Variants in KATNBL1 observed in about 807,000 individuals in gnomAD.
KATNBL1 encodes the protein KATNB1-like protein 1.
A neutral mutation model predicts 44.7 loss-of-function variants in KATNBL1; 28 were observed. That is an observed-to-expected ratio of 0.63 (90% confidence interval 0.46 to 0.86). The LOEUF is 0.86. Among genes scored for constraint, KATNBL1 ranks in the 40% least tolerant of loss-of-function variants. The pLI is 0.00. For missense variants in KATNBL1, 272 were observed against 350.7 expected, an observed-to-expected ratio of 0.78 and a Z score of 1.79; for synonymous variants, 78 against 114.9, an observed-to-expected ratio of 0.68 and a Z score of 2.06.
intron 1 of KATNBL1, among the ~76,000 whole-genome samples, chr15:34,205,222 G>C (rs1017567017): frequency 6.6e-6 from 1 of 152,070 alleles, no homozygotes; most frequent in African/African-American, 2.4e-5. Flanking sequence ...TCGATCTCTC[G>C]ACCTTGTGAA....
At chr15:34,142,433 C>A (rs938538087) in intron 9 of KATNBL1, 62 bp from the exon 10 acceptor site, 6 of 1,502,088 alleles carry the variant, frequency 4.0e-6, no homozygotes, top group Non-Finnish European at 5.4e-6. Flanking sequence ...ATAAACAATC[C>A]ATTTTTTTTT....
chr15:34,160,441 T>C (rs1484050079), intron 2 of KATNBL1, among the ~76,000 whole-genome samples: 1 of 152,204 alleles, frequency 6.6e-6, no homozygotes, highest in Non-Finnish European at 1.5e-5. Flanking sequence ...AACTATTAGT[T>C]ACAAAATGAA....
At chr15:34,193,888 C>CAAAAAAAAAAAA (rs1889961366) in intron 1 of KATNBL1, among the ~76,000 whole-genome samples, 1 of 111,576 alleles carries the variant, frequency 9.0e-6, no homozygotes, top group Non-Finnish European at 1.9e-5. Context: ...AAATCACCAG[C>CAAAAAAAAAAAA]AAAATCACCA....
chr15:34,158,530 C>T (rs1888705963), intron 2 of KATNBL1, among the ~76,000 whole-genome samples: 1 of 152,112 alleles, frequency 6.6e-6, no homozygotes, highest in African/African-American at 2.4e-5. Flanking sequence ...TGGACAACAG[C>T]TATTTCTTCT....
chr15:34,161,652 C>T (rs906015639), intron 2 of KATNBL1, among the ~76,000 whole-genome samples: 3 of 152,064 alleles, frequency 2.0e-5, no homozygotes, highest in Admixed American at 6.6e-5. Flanking sequence ...AGGGTTGGAC[C>T]GCACAGTCTA....
At chr15:34,157,451 G>T (rs1888671197) in intron 2 of KATNBL1, among the ~76,000 whole-genome samples, 1 of 152,172 alleles carries the variant, frequency 6.6e-6, no homozygotes. Flanking sequence ...TGGTCCCTAG[G>T]CTGATGTTGG....
At chr15:34,153,913 AAAAC>A (rs1445229768) in intron 3 of KATNBL1, among the ~76,000 whole-genome samples, 2 of 152,254 alleles carry the variant, frequency 1.3e-5, no homozygotes, top group Admixed American at 6.5e-5. Flanking sequence ...TGTAAAAACT[AAAAC>A]AAAATTTAAA....
intron 2 of KATNBL1, among the ~76,000 whole-genome samples, chr15:34,156,085 T>C (rs560468112): frequency 6.6e-6 from 1 of 152,254 alleles, no homozygotes; most frequent in South Asian, 2.1e-4. Flanking sequence ...CCAGCAAAGG[T>C]CTACCACAAT....
intron 1 of KATNBL1, 118 bp downstream of exon 1, chr15:34,209,833 C>T (rs1351719001): frequency 6.7e-6 from 1 of 148,502 alleles, no homozygotes; most frequent in Non-Finnish European, 1.5e-5. Flanking sequence ...CCGGCCGAGC[C>T]GAGGCCGCCG....
At chr15:34,183,013 C>T (rs1185858055) in intron 1 of KATNBL1, among the ~76,000 whole-genome samples, 3 of 152,208 alleles carry the variant, frequency 2.0e-5, no homozygotes, top group Non-Finnish European at 4.4e-5. Flanking sequence ...TTTCACTAGA[C>T]TCCTTGGATA....
intron 1 of KATNBL1, among the ~76,000 whole-genome samples, chr15:34,190,173 T>C (rs1196948344): frequency 1.3e-5 from 2 of 152,134 alleles, no homozygotes; most frequent in Non-Finnish European, 2.9e-5. Context: ...CTCGATCTCC[T>C]GACCTCGTGA....
intron 1 of KATNBL1, among the ~76,000 whole-genome samples, chr15:34,170,413 A>T (rs1220925745): frequency 6.6e-6 from 1 of 152,226 alleles, no homozygotes; most frequent in African/African-American, 2.4e-5. Flanking sequence ...GAGAACTACA[A>T]ACCACTGCTC....
intron 1 of KATNBL1, among the ~76,000 whole-genome samples, chr15:34,164,319 T>A (rs551425378): frequency 1.2e-4 from 18 of 152,156 alleles, no homozygotes; most frequent in Non-Finnish European, 2.5e-4. Flanking sequence ...GGTTATGAAA[T>A]AAGGTGTATA....
In KATNBL1 at chr15:34,147,454, T is replaced by C. The variant is rs139279812; in HGVS notation, c.558-24A>G. ...TCCTGAGAGTATAAAAAGAATAGCA[T>C]TGCCTTAGAGAGCTGATTTCCTTAT... On this transcript the variant is annotated intron_variant, in intron 5 of 9. Transcript: ENST00000256544. 389 of 1,592,712 alleles carry C rather than the reference T, an allele frequency of 2.4e-4. 2 individuals are homozygous for C. In the East Asian group the frequency reaches 6.3e-3, roughly 26 times the overall value.
chr15:34,171,575 C>A (rs966184478), intron 1 of KATNBL1, among the ~76,000 whole-genome samples: 3 of 152,180 alleles, frequency 2.0e-5, no homozygotes, highest in Non-Finnish European at 4.4e-5. Context: ...GCCCAGTGAT[C>A]CCATTACTGG....
chr15:34,156,643 G>C (rs1888646522), intron 2 of KATNBL1, among the ~76,000 whole-genome samples: 1 of 152,196 alleles, frequency 6.6e-6, no homozygotes, highest in South Asian at 2.1e-4. Context: ...GAAGGCTTAG[G>C]GGAAGGTGTA....
chr15:34,160,163 T>G (rs950149597), intron 2 of KATNBL1, among the ~76,000 whole-genome samples: 8 of 152,216 alleles, frequency 5.3e-5, no homozygotes, highest in South Asian at 2.1e-4. Context: ...ATTTGAAACA[T>G]TCGTTCTGTC....
intron 1 of KATNBL1, among the ~76,000 whole-genome samples, chr15:34,201,178 G>A (rs1043912516): frequency 2.0e-5 from 3 of 152,150 alleles, no homozygotes; most frequent in Admixed American, 6.6e-5. Flanking sequence ...CTAATAATGG[G>A]AAAATAAAAT....
Position 34,172,376 on chromosome 15 carries a change from C to G in KATNBL1, c.-14-8686G>C, listed in dbSNP as rs1035594770. Among the ~76,000 whole-genome samples the G allele has an allele frequency of 2.0e-5, 3 of 149,386 alleles. No homozygotes were observed. In the Admixed American group the frequency reaches 2.1e-4, roughly 10 times the overall value. ...GGCTCAAGTGATTCTCCTGCCTCAG[C>G]CTCCTGAGTACCTGGGATTACGGGC... On this transcript the variant is annotated intron_variant, in intron 1 of 9. Transcript: ENST00000256544.
Sources: gnomAD v4.1 joint callset for allele counts (sites outside exome capture counted in the v4.1 genomes callset) on GRCh38, gnomAD v4.1.1 for gene constraint, MANE v1.5 for transcripts, NCBI Gene and HGNC (gene_info 2026-07-23, HGNC 2026-07-21) for gene names.